Variants in PGAP4 observed in about 807,000 individuals in gnomAD.
PGAP4 encodes post-GPI attachment to proteins GalNAc transferase 4.
Under a neutral mutation model 28.2 loss-of-function variants are expected in PGAP4, and 12 were observed. That is an observed-to-expected ratio of 0.42 (90% CI 0.27 to 0.69). The LOEUF (loss-of-function observed/expected upper bound fraction) is 0.69. Among genes scored for constraint, PGAP4 ranks in the 30% least tolerant of loss-of-function variants. The pLI is 0.22. For missense variants in PGAP4, 425 were observed against 513.5 expected (o/e 0.83, Z 1.67); for synonymous variants, 205 against 211.8 (o/e 0.97, Z 0.28).
At chr9:101,527,468 T>C (rs1490994079) in intron 2 of PGAP4, among the ~76,000 whole-genome samples, 1 of 152,192 alleles carries the variant, frequency 6.6e-6, no homozygotes, top group African/African-American at 2.4e-5. Context: ...GTTATATTTA[T>C]ATCAATTCTC....
intron 2 of PGAP4, among the ~76,000 whole-genome samples, chr9:101,503,492 G>A (rs78703935): frequency 0.023 from 3,474 of 151,918 alleles, 64 homozygotes; most frequent in East Asian, 0.06. Flanking sequence ...TTCATGTTGG[G>A]TGGTAGTTTC....
chr9:101,507,839 G>A (rs1359060853), intron 2 of PGAP4, among the ~76,000 whole-genome samples: 2 of 152,100 alleles, frequency 1.3e-5, no homozygotes, highest in African/African-American at 4.8e-5. Context: ...GTAGCTTCTG[G>A]AAATCTGATC....
chr9:101,523,625 T>A lies in PGAP4; in HGVS notation c.-165+7723A>T, dbSNP rs1354253749. Among the ~76,000 whole-genome samples, 152 of 60,070 alleles carry A rather than the reference T, an allele frequency of 2.5e-3. 3 individuals carry two copies. The highest frequency in any genetic ancestry group is 8.7e-3 in the African/African-American group (143 of 16,470). The allele number at this position is 60,070 out of a possible 152,430, so 39.4% of individuals were successfully genotyped here. A position where few individuals can be genotyped will look rare whatever the true frequency, so the allele number is the denominator to read the frequency against. ...CTCCCCTCACTTCTTGTATCTTTTT[T>A]TTTTTTTTTTTTTTTTTTTTTTTTT... On this transcript the variant is annotated intron_variant, in intron 2 of 3. Transcript: ENST00000374851.
chr9:101,529,117 G>A (rs769118634), intron 2 of PGAP4, among the ~76,000 whole-genome samples: 1 of 147,882 alleles, frequency 6.8e-6, no homozygotes, highest in Non-Finnish European at 1.5e-5. Context: ...ATGACATGAT[G>A]TCATTCTTTT....
chr9:101,482,768 T>C (rs1035855113), intron 1 of PGAP4, among the ~76,000 whole-genome samples: 2 of 152,128 alleles, frequency 1.3e-5, no homozygotes, highest in African/African-American at 4.8e-5. Flanking sequence ...AAAGAATCTC[T>C]TTTTTTCCCC....
At chr9:101,491,812 GATAT>G (rs58209077), upstream of PGAP4, among the ~76,000 whole-genome samples, 1,511 of 106,210 alleles carry the variant, frequency 0.014, 21 homozygotes, top group African/African-American at 0.04. Context: ...AATCTTAAAG[GATAT>G]ATATATATAT....
intron 2 of PGAP4, among the ~76,000 whole-genome samples, chr9:101,507,301 AGG>A (rs1826855916): frequency 6.6e-6 from 1 of 152,132 alleles, no homozygotes; most frequent in Non-Finnish European, 1.5e-5. Context: ...AAGGGACATA[AGG>A]TTTCCCAAGA....
intron 2 of PGAP4, among the ~76,000 whole-genome samples, chr9:101,508,297 T>C (rs139011921): frequency 6.6e-6 from 1 of 152,244 alleles, no homozygotes; most frequent in East Asian, 1.9e-4. Flanking sequence ...CTGTATTTTA[T>C]CTAAAAACCA....
At chr9:101,504,189 TTGTG>T (rs1226880431) in intron 2 of PGAP4, among the ~76,000 whole-genome samples, 2 of 148,906 alleles carry the variant, frequency 1.3e-5, no homozygotes. Flanking sequence ...TTTTATTTGT[TTGTG>T]TGTGTGTGTG....
intron 2 of PGAP4, among the ~76,000 whole-genome samples, chr9:101,498,867 T>C (rs1321679895): frequency 6.6e-6 from 1 of 152,042 alleles, no homozygotes; most frequent in African/African-American, 2.4e-5. Flanking sequence ...ATCTTGTGTC[T>C]ACTGTTTAGA....
intron 2 of PGAP4, among the ~76,000 whole-genome samples, chr9:101,500,378 C>G (rs1443990488): frequency 6.6e-6 from 1 of 151,988 alleles, no homozygotes; most frequent in Non-Finnish European, 1.5e-5. Flanking sequence ...ATTACTGTAA[C>G]CTTTTACATA....
intron 2 of PGAP4, among the ~76,000 whole-genome samples, chr9:101,514,431 C>T (rs1405254935): frequency 6.6e-6 from 1 of 152,076 alleles, no homozygotes; most frequent in African/African-American, 2.4e-5. Flanking sequence ...TATAGTAAAG[C>T]AGAAAGAAAA....
intron 2 of PGAP4, among the ~76,000 whole-genome samples, chr9:101,493,157 G>A (rs1367416180): frequency 2.6e-5 from 4 of 151,728 alleles, no homozygotes; most frequent in African/African-American, 9.7e-5. Flanking sequence ...GGGAGGCTGA[G>A]GCAGGAGAAT....
intron 2 of PGAP4, among the ~76,000 whole-genome samples, chr9:101,503,697 A>T (rs1435924492): frequency 6.6e-6 from 1 of 151,890 alleles, no homozygotes; most frequent in Non-Finnish European, 1.5e-5. Flanking sequence ...TAACCTGGGA[A>T]AGCCTGGAAA....
At chr9:101,504,087 CCAAT>C (rs1228066969) in intron 2 of PGAP4, among the ~76,000 whole-genome samples, 5 of 151,770 alleles carry the variant, frequency 3.3e-5, no homozygotes, top group Non-Finnish European at 7.4e-5. Context: ...CAGAAAGGGA[CCAAT>C]CAACCTGAGC....
intron 2 of PGAP4, among the ~76,000 whole-genome samples, chr9:101,507,872 A>G (rs1826860731): frequency 6.6e-6 from 1 of 152,150 alleles, no homozygotes; most frequent in Non-Finnish European, 1.5e-5. Flanking sequence ...GTGTATCCCC[A>G]CACACCACTT....
intron 2 of PGAP4, among the ~76,000 whole-genome samples, chr9:101,497,950 GT>G (rs1180769580): frequency 6.6e-6 from 1 of 151,778 alleles, no homozygotes; most frequent in Non-Finnish European, 1.5e-5. Flanking sequence ...TTAGGGGATA[GT>G]AATGTAAACT....
intron 2 of PGAP4, among the ~76,000 whole-genome samples, chr9:101,515,194 G>C (rs1826933025): frequency 6.6e-6 from 1 of 152,122 alleles, no homozygotes; most frequent in South Asian, 2.1e-4. Context: ...CTGTGAAGAA[G>C]AACCCATTCC....
intron 2 of PGAP4, among the ~76,000 whole-genome samples, chr9:101,498,497 AT>A (rs545003386): frequency 0.015 from 2,102 of 144,224 alleles, 21 homozygotes; most frequent in African/African-American, 0.031. Flanking sequence ...CCCTTTAAGA[AT>A]TTTTTTTTTT....
Sources: gnomAD v4.1 joint callset for allele counts (sites outside exome capture counted in the v4.1 genomes callset) on GRCh38, gnomAD v4.1.1 for gene constraint, MANE v1.5 for transcripts, NCBI Gene and HGNC (gene_info 2026-07-23, HGNC 2026-07-21) for gene names.